SIPA1L1: variants seen among roughly 807,000 people sequenced by gnomAD.
SIPA1L1 encodes signal-induced proliferation-associated 1-like protein 1.
Under a neutral mutation model 162.7 loss-of-function variants are expected in SIPA1L1, and 26 were observed. The ratio of observed to expected loss-of-function variants is 0.16; its 90% CI spans 0.12 to 0.22. The LOEUF (loss-of-function observed/expected upper bound fraction) is 0.22, where lower values mean the gene tolerates loss of function less well. SIPA1L1 is among the 10% of genes least tolerant of loss of function. The pLI is 1.00. For synonymous variants in SIPA1L1, 829 were observed against 837.4 expected, an observed-to-expected ratio of 0.99 and a Z score of 0.17; for missense variants, 1,874 against 2,241.0, an observed-to-expected ratio of 0.84 and a Z score of 3.31.
chr14:71,625,425 G>A (rs555131176), intron 7 of SIPA1L1, among the ~76,000 whole-genome samples: 1 of 152,054 alleles, frequency 6.6e-6, no homozygotes, highest in African/African-American at 2.4e-5. Context: ...TCAGCCTCTC[G>A]AGTAGCTGGG....
intron 10 of SIPA1L1, among the ~76,000 whole-genome samples, chr14:71,668,020 G>A (rs1279674488): frequency 5.3e-5 from 8 of 151,796 alleles, no homozygotes; most frequent in South Asian, 4.2e-4. Flanking sequence ...AGCCGAGATC[G>A]CGCCACTGCA....
At chr14:71,526,859 T>C (rs771981822) in intron 3 of SIPA1L1, among the ~76,000 whole-genome samples, 2 of 152,230 alleles carry the variant, frequency 1.3e-5, no homozygotes, top group Non-Finnish European at 2.9e-5. Context: ...GTTTGCACAT[T>C]CCCAGGAGGC....
At chr14:71,617,162 A>G (rs2038934767) in intron 5 of SIPA1L1, among the ~76,000 whole-genome samples, 1 of 152,036 alleles carries the variant, frequency 6.6e-6, no homozygotes, top group Non-Finnish European at 1.5e-5. Context: ...GCCTTTTTGT[A>G]CTATTTCTGT....
chr14:71,691,781 T>G (rs2149670869), intron 13 of SIPA1L1, among the ~76,000 whole-genome samples: 1 of 152,320 alleles, frequency 6.6e-6, no homozygotes, highest in African/African-American at 2.4e-5. Context: ...TTGCCATGCC[T>G]GCTCCTCTGA....
At chr14:71,375,604 A>G (rs117481188) in intron 2 of SIPA1L1, among the ~76,000 whole-genome samples, 229 of 152,244 alleles carry the variant, frequency 1.5e-3, no homozygotes, top group Non-Finnish European at 2.5e-3. Context: ...TTATTCCAGT[A>G]TAGTGTTGAC....
intron 23 of SIPA1L1, among the ~76,000 whole-genome samples, chr14:71,738,537 G>C (rs1376419886): frequency 6.6e-6 from 1 of 152,122 alleles, no homozygotes; most frequent in African/African-American, 2.4e-5. Flanking sequence ...TCAATAATTT[G>C]TGAAAGGCTG....
intron 7 of SIPA1L1, among the ~76,000 whole-genome samples, chr14:71,638,761 T>G (rs1353202953): frequency 6.6e-6 from 1 of 152,226 alleles, no homozygotes; most frequent in African/African-American, 2.4e-5. Context: ...CTAAGGAATC[T>G]ATAGATAAAC....
intron 2 of SIPA1L1, among the ~76,000 whole-genome samples, chr14:71,353,340 G>C (rs1455143605): frequency 6.6e-6 from 1 of 152,202 alleles, no homozygotes; most frequent in African/African-American, 2.4e-5. Context: ...TCATACAGGT[G>C]TCTGACCTGG....
chr14:71,678,543 C>T (rs1367044401), intron 12 of SIPA1L1, among the ~76,000 whole-genome samples: 2 of 152,106 alleles, frequency 1.3e-5, no homozygotes, highest in African/African-American at 4.8e-5. Flanking sequence ...TTCGGTTTGC[C>T]AGTATTTTAT....
chr14:71,549,539 G>T (rs772641790), intron 4 of SIPA1L1, among the ~76,000 whole-genome samples: 2 of 152,126 alleles, frequency 1.3e-5, no homozygotes, highest in African/African-American at 2.4e-5. Context: ...CAAACATCTC[G>T]TATTTTTAAT....
At chr14:71,636,807 C>T (rs999335981) in intron 7 of SIPA1L1, among the ~76,000 whole-genome samples, 20 of 151,922 alleles carry the variant, frequency 1.3e-4, no homozygotes, top group African/African-American at 4.3e-4. Context: ...TTTGGGAGGC[C>T]GAGGTGGGCA....
At chr14:71,703,371 G>T (rs2149862228) in intron 15 of SIPA1L1, among the ~76,000 whole-genome samples, 1 of 152,326 alleles carries the variant, frequency 6.6e-6, no homozygotes, top group Middle Eastern at 3.4e-3. Flanking sequence ...GTTTTGTCCT[G>T]TTTTAATGAC....
intron 2 of SIPA1L1, among the ~76,000 whole-genome samples, chr14:71,338,299 A>G (rs2035301238): frequency 6.6e-6 from 1 of 152,238 alleles, no homozygotes; most frequent in South Asian, 2.1e-4. Flanking sequence ...CGCAGGAGTC[A>G]AAAGTCCATC....
intron 7 of SIPA1L1, among the ~76,000 whole-genome samples, chr14:71,631,532 A>C (rs1225020765): frequency 6.6e-6 from 1 of 152,200 alleles, no homozygotes; most frequent in Non-Finnish European, 1.5e-5. Context: ...AGGTACCTTT[A>C]TTATCAACTT....
At chr14:71,457,254 A>T (rs192129783) in intron 2 of SIPA1L1, among the ~76,000 whole-genome samples, 218 of 151,554 alleles carry the variant, frequency 1.4e-3, no homozygotes, top group African/African-American at 5.0e-3. Flanking sequence ...TTTTCTGTTG[A>T]CCTATTCTCT....
chr14:71,421,568 C>G (rs190107946), intron 2 of SIPA1L1, among the ~76,000 whole-genome samples: 109 of 149,786 alleles, frequency 7.3e-4, no homozygotes, highest in Non-Finnish European at 1.0e-3. Flanking sequence ...TGTACTCCAT[C>G]CTGGGTGACA....
intron 20 of SIPA1L1, among the ~76,000 whole-genome samples, chr14:71,730,867 T>A (rs1054504635): frequency 9.2e-5 from 14 of 152,238 alleles, no homozygotes; most frequent in Non-Finnish European, 1.6e-4. Flanking sequence ...TTGTTTGCTT[T>A]GTGACCCAAC....
chr14:71,688,254 A>G (rs1177075172), intron 13 of SIPA1L1, among the ~76,000 whole-genome samples: 1 of 152,216 alleles, frequency 6.6e-6, no homozygotes, highest in Admixed American at 6.5e-5. Context: ...CACTGACATG[A>G]TGCTCAAAGG....
At chr14:71,612,244 A>G (rs916892491) in intron 5 of SIPA1L1, among the ~76,000 whole-genome samples, 2 of 152,210 alleles carry the variant, frequency 1.3e-5, no homozygotes, top group African/African-American at 4.8e-5. Context: ...TGACTTTAAC[A>G]TATCTTGCCG....
Sources: gnomAD v4.1 joint callset for allele counts (sites outside exome capture counted in the v4.1 genomes callset) on GRCh38, gnomAD v4.1.1 for gene constraint, MANE v1.5 for transcripts, NCBI Gene and HGNC (gene_info 2026-07-23, HGNC 2026-07-21) for gene names.